The following ACBD6 variants were observed in gnomAD, a reference collection of about 807,000 sequenced individuals.
ACBD6 encodes the protein acyl-CoA binding domain containing 6.
A neutral mutation model predicts 37.2 loss-of-function variants in ACBD6; 28 were observed. The ratio of observed to expected loss-of-function variants is 0.75; its 90% CI spans 0.56 to 1.03. The LOEUF is 1.03. Ranked by LOEUF, ACBD6 falls within the 50% of genes least tolerant of loss-of-function variation. The pLI, the probability that ACBD6 is intolerant of heterozygous loss-of-function variation, is 0.00. For missense variants in ACBD6, 340 were observed against 337.4 expected (o/e 1.01, Z -0.06); for synonymous variants, 113 against 126.8 (o/e 0.89, Z 0.73).
intron 3 of ACBD6, among the ~76,000 whole-genome samples, chr1:180,456,211 CAA>C (rs753205587): frequency 1.8e-4 from 19 of 106,746 alleles, no homozygotes; most frequent in African/African-American, 2.7e-4. Flanking sequence ...GACACCATTT[CAA>C]AAAAAAAAAA....
chr1:180,314,912 A>G (rs1558245688), intron 6 of ACBD6, among the ~76,000 whole-genome samples, 190 bp from the exon 7 acceptor site: 1 of 152,236 alleles, frequency 6.6e-6, no homozygotes, highest in African/African-American at 2.4e-5. Flanking sequence ...ATAAAGAATG[A>G]TAACTTGTGC....
chr1:180,373,068 C>T lies in ACBD6; in HGVS notation c.663+24448G>A, dbSNP rs548261342. On this transcript the variant is annotated intron_variant, in intron 6 of 7. Coordinates refer to ENST00000367595, the MANE Select transcript of ACBD6 (RefSeq NM_032360.4). ...TAGAATTAGCTAGGCCGAGAGTCAC[C>T]CCGAGCTCCTCATGGATCATGTTAT... 4.9e-4 allele frequency among the ~76,000 whole-genome samples: 75 copies of T among 152,194 alleles called. No homozygotes were observed. The South Asian group carries it at 7.0e-3, about 14-fold the overall frequency.
chr1:180,313,024 G>A (rs570001034), intron 7 of ACBD6, among the ~76,000 whole-genome samples: 17 of 152,200 alleles, frequency 1.1e-4, no homozygotes, highest in African/African-American at 3.9e-4. Flanking sequence ...CATTTGATTT[G>A]ATCATACAGT....
intron 3 of ACBD6, among the ~76,000 whole-genome samples, chr1:180,438,852 AC>A (rs1649165724): frequency 6.6e-6 from 1 of 152,118 alleles, no homozygotes; most frequent in Non-Finnish European, 1.5e-5. Flanking sequence ...TGTACCCACC[AC>A]TGCGGTACCA....
chr1:180,475,426 G>A lies in ACBD6; in HGVS notation c.384+16843C>T, dbSNP rs141310736. Among the ~76,000 whole-genome samples, 84 of 152,130 alleles carry A rather than the reference G, an allele frequency of 5.5e-4. 1 individual carries two copies. In the East Asian group the frequency reaches 0.014, roughly 26 times the overall value. The stretch of plus-strand genomic sequence containing the variant: ...TTTTGACATGGGGTCCCACTCTGTG[G>A]CCCAGGCTGGAGTGCCATGGCATGA... On this transcript the variant is annotated intron_variant, in intron 3 of 7. Coordinates refer to ENST00000367595, the MANE Select transcript of ACBD6 (RefSeq NM_032360.4).
At chr1:180,493,361 A>T (rs1243026063) in intron 2 of ACBD6, among the ~76,000 whole-genome samples, 1 of 149,814 alleles carries the variant, frequency 6.7e-6, no homozygotes, top group Non-Finnish European at 1.5e-5. Flanking sequence ...TTTAGTCCTG[A>T]GCTTCCTTTT....
intron 2 of ACBD6, 31 bp from the exon 3 acceptor site, chr1:180,492,396 C>T (rs909681353): frequency 1.3e-6 from 2 of 1,536,530 alleles, no homozygotes; most frequent in Non-Finnish European, 1.8e-6. Context: ...AATGGCCTGT[C>T]ATTATGCAAA....
At chr1:180,358,059 G>A (rs1364998526) in intron 6 of ACBD6, among the ~76,000 whole-genome samples, 1 of 152,204 alleles carries the variant, frequency 6.6e-6, no homozygotes, top group Non-Finnish European at 1.5e-5. Context: ...TTCCTTGAAA[G>A]TCATGTTGTT....
chr1:180,467,953 ACAAAACCTGAGG>A (rs1650414634), intron 3 of ACBD6, among the ~76,000 whole-genome samples: 4 of 152,232 alleles, frequency 2.6e-5, no homozygotes, highest in Admixed American at 2.6e-4. Flanking sequence ...GCCCTAAAGA[ACAAAACCTGAGG>A]CAAAGCTCCC....
intron 6 of ACBD6, among the ~76,000 whole-genome samples, chr1:180,334,736 C>A (rs1651633860): frequency 6.6e-6 from 1 of 151,966 alleles, no homozygotes; most frequent in Non-Finnish European, 1.5e-5. Flanking sequence ...AAGTGCAAAC[C>A]CATGGCAAAG....
intron 5 of ACBD6, among the ~76,000 whole-genome samples, chr1:180,410,935 C>A (rs1174105296): frequency 6.6e-6 from 1 of 152,188 alleles, no homozygotes; most frequent in Non-Finnish European, 1.5e-5. Flanking sequence ...ATTCACCATT[C>A]CAGATGCCAT....
At chr1:180,340,498 A>T (rs952573437) in intron 6 of ACBD6, among the ~76,000 whole-genome samples, 1 of 152,056 alleles carries the variant, frequency 6.6e-6, no homozygotes, top group Non-Finnish European at 1.5e-5. Flanking sequence ...GAGTATAAAG[A>T]ACTCTTTCAT....
At chr1:180,325,449 T>G (rs1358421998) in intron 6 of ACBD6, among the ~76,000 whole-genome samples, 1 of 152,154 alleles carries the variant, frequency 6.6e-6, no homozygotes, top group East Asian at 1.9e-4. Context: ...TTTTTATATT[T>G]ATATGATAGA....
intron 6 of ACBD6, among the ~76,000 whole-genome samples, chr1:180,336,952 C>A (rs901844874): frequency 1.1e-4 from 16 of 152,162 alleles, no homozygotes; most frequent in Non-Finnish European, 2.2e-4. Flanking sequence ...CAAGACTAAA[C>A]CAGGAAGAAG....
rs186923582 is a variant in ACBD6 at position 180,347,283 on chromosome 1, A to G, written c.664-32561T>C. 7.3e-4 allele frequency among the ~76,000 whole-genome samples: 111 copies of G among 152,152 alleles called. 1 individual carries two copies. Among genetic ancestry groups the G allele is most frequent in the Non-Finnish European group, 6.3e-4 (43 of 68,000 alleles). On this transcript the variant is annotated intron_variant, in intron 6 of 7. Coordinates refer to ENST00000367595, the MANE Select transcript of ACBD6 (RefSeq NM_032360.4). ...GAAAACAATAAAACTGTTTGCTTCT[A>G]TACGGCTACACATTTTAGAAGTAGG...
At chr1:180,356,692 T>C (rs1381083605) in intron 6 of ACBD6, among the ~76,000 whole-genome samples, 5 of 151,372 alleles carry the variant, frequency 3.3e-5, no homozygotes, top group Non-Finnish European at 5.9e-5. Flanking sequence ...ACAAAAAAAA[T>C]ACAAAAATTA....
At chr1:180,277,301 T>TA (rs1649093487) in intron 9 of ACBD6, 1 of 152,238 alleles carries the variant, frequency 6.6e-6, no homozygotes, top group African/African-American at 2.4e-5. Flanking sequence ...TAGCTTCTCT[T>TA]AGAGGCACTC....
intron 3 of ACBD6, among the ~76,000 whole-genome samples, chr1:180,448,357 A>C (rs1208406779): frequency 6.6e-6 from 1 of 152,198 alleles, no homozygotes; most frequent in African/African-American, 2.4e-5. Flanking sequence ...TCTTTACCTA[A>C]ATTTAATGTT....
At chr1:180,274,551 T>A in intron 10 of ACBD6, 2 of 1,592,570 alleles carry the variant, frequency 1.3e-6, no homozygotes, top group Non-Finnish European at 1.7e-6. Context: ...GGCTCTTGGC[T>A]CGATGAAATG....
Sources: allele counts gnomAD v4.1 joint callset (sites outside exome capture counted in the v4.1 genomes callset), GRCh38; gene constraint gnomAD v4.1.1; transcripts MANE v1.5; gene names NCBI Gene and HGNC (gene_info 2026-07-23, HGNC 2026-07-21).